Variants in TAS2R1 observed in about 807,000 individuals in gnomAD.
TAS2R1 encodes taste receptor type 2 member 1.
For synonymous variants in TAS2R1, 141 were observed against 134.2 expected, an observed-to-expected ratio of 1.05 and a Z score of -0.35; for missense variants, 370 against 353.4, an observed-to-expected ratio of 1.05 and a Z score of -0.38.
At chr5:9,744,778 C>G in the TAS2R1 span, among the ~76,000 whole-genome samples, 112 of 152,162 alleles carry the variant, frequency 7.4e-4, no homozygotes, top group African/African-American at 2.6e-3. Context: ...TTATTCTTAA[C>G]CTAGAAAATG....
intron 2 of TAS2R1, among the ~76,000 whole-genome samples, chr5:9,651,780 C>T (rs1018732129): frequency 3.3e-5 from 5 of 152,112 alleles, no homozygotes; most frequent in African/African-American, 1.2e-4. Context: ...AAAGCTCTGA[C>T]TGCCACTCAG....
intron 1 of TAS2R1, among the ~76,000 whole-genome samples, chr5:9,660,506 A>G (rs1165562177): frequency 6.6e-6 from 1 of 152,178 alleles, no homozygotes; most frequent in East Asian, 1.9e-4. Flanking sequence ...AATACCTAAA[A>G]GATGACTAAC....
intron 1 of TAS2R1, among the ~76,000 whole-genome samples, chr5:9,711,062 G>A (rs1741726070): frequency 6.6e-6 from 1 of 151,246 alleles, no homozygotes. Flanking sequence ...TGATGGGAAT[G>A]TAAAATGTAA....
At chr5:9,842,316 CTTTTTTT>C in the TAS2R1 span, among the ~76,000 whole-genome samples, 2 of 116,230 alleles carry the variant, frequency 1.7e-5, no homozygotes, top group African/African-American at 6.8e-5. Context: ...TTCTTTCTCT[CTTTTTTT>C]TTTTTTTTTT....
chr5:9,706,748 G>A (rs935712413), intron 1 of TAS2R1, among the ~76,000 whole-genome samples: 8 of 152,088 alleles, frequency 5.3e-5, no homozygotes, highest in Admixed American at 2.0e-4. Flanking sequence ...CATGCTACCC[G>A]ACGGAGAGCA....
chr5:9,806,753 A>T, the TAS2R1 span, among the ~76,000 whole-genome samples: 1 of 152,146 alleles, frequency 6.6e-6, no homozygotes, highest in Non-Finnish European at 1.5e-5. Flanking sequence ...TCAACTCAAG[A>T]TAAATCAAAG....
intron 1 of TAS2R1, among the ~76,000 whole-genome samples, chr5:9,689,224 C>T (rs1282620646): frequency 6.6e-6 from 1 of 152,138 alleles, no homozygotes; most frequent in Admixed American, 6.5e-5. Context: ...ATTTATCCAC[C>T]CTGTGACCTT....
chr5:9,699,051 T>C (rs1435711683), intron 1 of TAS2R1, among the ~76,000 whole-genome samples: 1 of 152,084 alleles, frequency 6.6e-6, no homozygotes, highest in Non-Finnish European at 1.5e-5. Flanking sequence ...TCACTCAGAG[T>C]CCTTAGTACT....
intron 1 of TAS2R1, among the ~76,000 whole-genome samples, chr5:9,688,300 C>T (rs1741167529): frequency 6.6e-6 from 1 of 152,050 alleles, no homozygotes; most frequent in African/African-American, 2.4e-5. Context: ...TATAAATATC[C>T]TCAGCGCTCC....
intron 2 of TAS2R1, among the ~76,000 whole-genome samples, chr5:9,651,873 C>T (rs1740311862): frequency 6.6e-6 from 1 of 152,168 alleles, no homozygotes; most frequent in African/African-American, 2.4e-5. Flanking sequence ...AGCCCACCAA[C>T]AAGCCCTGAG....
intron 2 of TAS2R1, among the ~76,000 whole-genome samples, chr5:9,657,061 T>C (rs1045122222): frequency 6.6e-6 from 1 of 152,110 alleles, no homozygotes; most frequent in Non-Finnish European, 1.5e-5. Context: ...ATAAAGACAA[T>C]TGTAATATGA....
chr5:9,708,100 C>T (rs1395015093), intron 1 of TAS2R1, among the ~76,000 whole-genome samples: 2 of 151,898 alleles, frequency 1.3e-5, no homozygotes, highest in Non-Finnish European at 2.9e-5. Context: ...TGAAGGCAGC[C>T]GAGGAAAATG....
At chr5:9,794,193 T>C in the TAS2R1 span, among the ~76,000 whole-genome samples, 1 of 152,204 alleles carries the variant, frequency 6.6e-6, no homozygotes, top group Non-Finnish European at 1.5e-5. Context: ...GCCTTGGGTT[T>C]TAAAATTTTT....
upstream of TAS2R1, chr5:9,713,260 G>GT (rs1734734932): frequency 6.6e-6 from 1 of 152,160 alleles, no homozygotes; most frequent in Admixed American, 6.5e-5. Context: ...ATCCCAACGT[G>GT]TTATTACTGA....
At chr5:9,836,305 T>C in the TAS2R1 span, among the ~76,000 whole-genome samples, 28 of 152,162 alleles carry the variant, frequency 1.8e-4, no homozygotes, top group African/African-American at 6.8e-4. Flanking sequence ...AGTGTGTTAT[T>C]TGGAACTTCA....
At chr5:9,823,133 T>G in the TAS2R1 span, among the ~76,000 whole-genome samples, 1 of 152,056 alleles carries the variant, frequency 6.6e-6, no homozygotes, top group Non-Finnish European at 1.5e-5. Flanking sequence ...AAGACTTATA[T>G]AAAAGTATAT....
the TAS2R1 span, among the ~76,000 whole-genome samples, chr5:9,875,074 T>A: frequency 6.6e-6 from 1 of 152,096 alleles, no homozygotes; most frequent in Non-Finnish European, 1.5e-5. Flanking sequence ...TTAAATAAAA[T>A]CTACTGTGTG....
chr5:9,758,524 G>A, the TAS2R1 span, among the ~76,000 whole-genome samples: 1 of 152,144 alleles, frequency 6.6e-6, no homozygotes, highest in African/African-American at 2.4e-5. Context: ...ACAAAGAACT[G>A]TGTCTCTCAC....
chr5:9,729,134 C>T, the TAS2R1 span, among the ~76,000 whole-genome samples: 1 of 152,312 alleles, frequency 6.6e-6, no homozygotes, highest in South Asian at 2.1e-4. Context: ...TGGGTTGGAC[C>T]CCAGTCTGAC....
Sources: allele counts gnomAD v4.1 joint callset (sites outside exome capture counted in the v4.1 genomes callset), GRCh38; gene constraint gnomAD v4.1.1; transcripts MANE v1.5; gene names NCBI Gene and HGNC (gene_info 2026-07-23, HGNC 2026-07-21).